Variants in VSTM2A observed in about 807,000 individuals in gnomAD.
The protein encoded by VSTM2A is V-set and transmembrane domain-containing protein 2A.
Under a neutral mutation model 27.3 loss-of-function variants are expected in VSTM2A, and 13 were observed. The observed-to-expected ratio is 0.48, with a 90% CI of 0.31 to 0.76. The LOEUF is 0.76. Ranked by LOEUF, VSTM2A falls within the 30% of genes least tolerant of loss-of-function variation. VSTM2A has a pLI of 0.05. For missense variants in VSTM2A, 280 were observed against 310.0 expected, an observed-to-expected ratio of 0.90 and a Z score of 0.73; for synonymous variants, 142 against 125.7, an observed-to-expected ratio of 1.13 and a Z score of -0.87.
chr7:54,551,926 G>A (rs543293024), intron 4 of VSTM2A: 1 of 152,296 alleles, frequency 6.6e-6, no homozygotes, highest in East Asian at 1.9e-4. Flanking sequence ...AATTCCAAGG[G>A]TAGAATGAAA....
chr7:54,545,439 A>G (rs1175616962), intron 2 of VSTM2A, among the ~76,000 whole-genome samples: 1 of 126,904 alleles, frequency 7.9e-6, no homozygotes, highest in Non-Finnish European at 1.7e-5. Context: ...AAGAGAAGGG[A>G]GGGAGAAAGA....
intron 3 of VSTM2A, among the ~76,000 whole-genome samples, chr7:54,548,795 G>A (rs1444095443): frequency 6.6e-6 from 1 of 152,016 alleles, no homozygotes; most frequent in African/African-American, 2.4e-5. Context: ...AAGCAGATGA[G>A]TGCTTCTCAG....
intron 2 of VSTM2A, chr7:54,546,726 G>GGGGACGGCGTGGGGTATGCCA: frequency 1.9e-6 from 1 of 519,172 alleles, no homozygotes; most frequent in Non-Finnish European, 3.4e-6. Context: ...GGGAAAGCGC[G>GGGGACGGCGTGGGGTATGCCA]GGGACGGCGT....
At position 54,542,441 on chromosome 7, in the gene VSTM2A, T is replaced by G; in HGVS notation, c.-290T>G. The G allele has an allele frequency of 2.2e-6, 1 of 460,856 alleles. No individual in the cohort carries two copies. Among genetic ancestry groups the G allele is most frequent in the Non-Finnish European group, 3.8e-6 (1 of 261,618 alleles). 28.5% of individuals were successfully genotyped at this position (460,856 alleles called of 1,614,324 possible). A position where few individuals can be genotyped will look rare whatever the true frequency, so the allele number is the denominator to read the frequency against. ...CGCAAGCCGGAGCGGCGGGCTGACG[T>G]TGGACGAGCTGCCAGGTAGCTGAAA... On this transcript the variant is annotated 5_prime_UTR_variant, in exon 1 of 5. Transcript: ENST00000402613.
In VSTM2A at chr7:54,550,188, G is replaced by T; in HGVS notation, c.634+18G>T. 6.3e-7 allele frequency: 1 copy of T among 1,575,334 alleles called. No individual in the cohort carries two copies. Among genetic ancestry groups the T allele is most frequent in the Non-Finnish European group, 8.6e-7 (1 of 1,160,956 alleles). ...ACAATCAGGTATGGAAACCCATTTC[G>T]AGCCTTTTATTTTACCACTCACAAA... On this transcript the variant is annotated intron_variant, in intron 4 of 4. Transcript: ENST00000402613.
At chr7:54,553,946 T>G in intron 4 of VSTM2A, 1 of 1,551,834 alleles carries the variant, frequency 6.4e-7, no homozygotes, top group Non-Finnish European at 8.7e-7. Context: ...TGTCTTCACT[T>G]TTTTCTACTG....
At chr7:54,550,415 T>C (rs1788153322) in intron 4 of VSTM2A, 1 of 1,100,594 alleles carries the variant, frequency 9.1e-7, no homozygotes, top group East Asian at 2.7e-5. Context: ...AGCTGGACTC[T>C]GGTTTTTATC....
chr7:54,554,537 G>A (rs1788290850), intron 4 of VSTM2A, among the ~76,000 whole-genome samples: 1 of 152,166 alleles, frequency 6.6e-6, no homozygotes, highest in Non-Finnish European at 1.5e-5. Context: ...TCCATCCCAT[G>A]CATTGAAGCC....
intron 4 of VSTM2A, among the ~76,000 whole-genome samples, chr7:54,565,542 G>A (rs1788694653): frequency 6.6e-6 from 1 of 152,218 alleles, no homozygotes; most frequent in South Asian, 2.1e-4. Context: ...CTTCTACCTG[G>A]CAGACATATG....
intron 4 of VSTM2A, chr7:54,557,098 C>T (rs898789478): frequency 6.6e-6 from 1 of 152,264 alleles, no homozygotes; most frequent in Admixed American, 6.5e-5. Flanking sequence ...GTCAAGAGCT[C>T]CTTCTTCCAA....
At chr7:54,558,263 T>C (rs1351328690) in intron 4 of VSTM2A, 2 of 152,176 alleles carry the variant, frequency 1.3e-5, no homozygotes, top group African/African-American at 4.8e-5. Flanking sequence ...TAGAATATTA[T>C]ATAAAGCCTT....
intron 3 of VSTM2A, among the ~76,000 whole-genome samples, chr7:54,549,196 G>A (rs1432859926): frequency 1.3e-5 from 2 of 152,036 alleles, no homozygotes; most frequent in Non-Finnish European, 2.9e-5. Context: ...CCCTATAATG[G>A]CATGGGATAC....
intron 3 of VSTM2A, among the ~76,000 whole-genome samples, chr7:54,548,485 T>C (rs1473019138): frequency 6.6e-6 from 1 of 151,860 alleles, no homozygotes; most frequent in Non-Finnish European, 1.5e-5. Flanking sequence ...GACTTAATAT[T>C]TCTGCATTAC....
At chr7:54,553,599 T>C (rs1051452812) in intron 4 of VSTM2A, among the ~76,000 whole-genome samples, 1 of 152,184 alleles carries the variant, frequency 6.6e-6, no homozygotes, top group South Asian at 2.1e-4. Flanking sequence ...TTCCTGCTTC[T>C]TGCTGGAGGA....
chr7:54,563,531 G>T (rs1432282999), intron 4 of VSTM2A, among the ~76,000 whole-genome samples: 1 of 152,156 alleles, frequency 6.6e-6, no homozygotes, highest in African/African-American at 2.4e-5. Context: ...CAGGAGGAAG[G>T]CAGCATTGTG....
chr7:54,566,545 G>C (rs1348751640), intron 4 of VSTM2A, among the ~76,000 whole-genome samples: 1 of 152,182 alleles, frequency 6.6e-6, no homozygotes, highest in Non-Finnish European at 1.5e-5. Context: ...GCAATTATCT[G>C]AGGGCAATAG....
At chr7:54,546,003 G>A (rs1365882519) in intron 2 of VSTM2A, among the ~76,000 whole-genome samples, 4 of 112,942 alleles carry the variant, frequency 3.5e-5, no homozygotes, top group African/African-American at 1.1e-4. Context: ...GGGGGAAGGG[G>A]GGAGGAAGAG....
intron 4 of VSTM2A, chr7:54,558,838 T>C (rs1469898917): frequency 6.6e-6 from 1 of 151,994 alleles, no homozygotes; most frequent in Non-Finnish European, 1.5e-5. Flanking sequence ...AAATCAAATA[T>C]AGGAAGATTA....
At chr7:54,555,814 T>G (rs1052765008) in intron 4 of VSTM2A, among the ~76,000 whole-genome samples, 1 of 152,190 alleles carries the variant, frequency 6.6e-6, no homozygotes, top group Non-Finnish European at 1.5e-5. Flanking sequence ...TTAGATAATT[T>G]TACCACTACT....
Sources: allele counts gnomAD v4.1 joint callset (sites outside exome capture counted in the v4.1 genomes callset), GRCh38; gene constraint gnomAD v4.1.1; transcripts MANE v1.5; gene names NCBI Gene and HGNC (gene_info 2026-07-23, HGNC 2026-07-21).